KIAA1549L: variants seen among roughly 807,000 people sequenced by gnomAD.
The protein encoded by KIAA1549L is KIAA1549 like, also known as UPF0606 protein KIAA1549L.
In KIAA1549L, 88 loss-of-function variants were observed where a neutral mutation model predicts 160.7. That is an observed-to-expected ratio of 0.55 (90% confidence interval 0.46 to 0.65). KIAA1549L has a LOEUF of 0.65. KIAA1549L is among the 30% of genes least tolerant of loss of function. The pLI, the probability that KIAA1549L is intolerant of heterozygous loss-of-function variation, is 0.00. For missense variants in KIAA1549L, 2,258 were observed against 2,437.5 expected (o/e 0.93, Z 1.55); for synonymous variants, 950 against 976.7 (o/e 0.97, Z 0.51).
rs781718818 is a variant in KIAA1549L at position 33,551,072 on chromosome 11, A to G, written c.3534A>G (p.Thr1178=). The G allele has an allele frequency of 6.2e-7, 1 of 1,613,884 alleles. No individual in the cohort carries two copies. The highest frequency in any genetic ancestry group is 1.1e-5 in the South Asian group (1 of 91,088). Residue 1178 remains threonine, a synonymous_variant, in exon 5 of 21, where the codon ACA becomes ACG. Transcript: ENST00000658780. ...VDILEYSHNV[T]VGYYATKGKL... ...TTCTGGAATATTCTCATAATGTCAC[A>G]GTTGGTTATTATGCTACCAAAGGGA...
At chr11:33,391,754 A>G (rs548078403) in intron 1 of KIAA1549L, among the ~76,000 whole-genome samples, 1 of 152,254 alleles carries the variant, frequency 6.6e-6, no homozygotes, top group East Asian at 1.9e-4. Context: ...AACAGTGTGG[A>G]TCTCTCACCC....
intron 11 of KIAA1549L, among the ~76,000 whole-genome samples, chr11:33,584,095 T>C (rs1855734390): frequency 6.6e-6 from 1 of 152,200 alleles, no homozygotes; most frequent in Non-Finnish European, 1.5e-5. Context: ...CTCTCTTCCA[T>C]GTGAAGACAC....
At chr11:33,462,726 T>G (rs1565147213) in intron 1 of KIAA1549L, among the ~76,000 whole-genome samples, 1 of 152,278 alleles carries the variant, frequency 6.6e-6, no homozygotes, top group East Asian at 1.9e-4. Flanking sequence ...TCCTTACATA[T>G]AAGTTGGAAA....
At chr11:33,496,287 C>T (rs1338188325) in intron 1 of KIAA1549L, among the ~76,000 whole-genome samples, 2 of 152,132 alleles carry the variant, frequency 1.3e-5, no homozygotes, top group African/African-American at 4.8e-5. Flanking sequence ...CCAGATCTCT[C>T]TTCACCCACA....
intron 1 of KIAA1549L, among the ~76,000 whole-genome samples, chr11:33,421,017 A>G (rs1404825509): frequency 6.6e-6 from 1 of 152,192 alleles, no homozygotes; most frequent in African/African-American, 2.4e-5. Context: ...TAATAAGTTT[A>G]TGTTTTAAAT....
intron 8 of KIAA1549L, among the ~76,000 whole-genome samples, chr11:33,563,202 A>G (rs1179760814): frequency 6.6e-6 from 1 of 151,926 alleles, no homozygotes; most frequent in Non-Finnish European, 1.5e-5. Flanking sequence ...AAAAAAAATT[A>G]GCCTGGCCTG....
chr11:33,542,406 C>T lies in KIAA1549L; in HGVS notation c.843C>T (p.Pro281=). Residue 281 remains proline, a synonymous_variant, in exon 2 of 21, where the codon CCC becomes CCT. Coordinates refer to ENST00000658780, the MANE Select transcript of KIAA1549L (RefSeq NM_012194.3). ...TTCCCCAAACAGCTCCAGCCGACCC[C>T]TCTTTAGGTCAGAACATAGCTAATC... The part of the protein sequence containing the change: ...LLVPQTAPAD[P]SLGQNIANPL... The T allele has an allele frequency of 6.7e-7, 1 of 1,496,022 alleles. No homozygotes were observed. Among genetic ancestry groups the T allele is most frequent in the Non-Finnish European group, 9.1e-7 (1 of 1,102,120 alleles). The allele number at this position is 1,496,022 out of a possible 1,614,324, so 92.7% of individuals were successfully genotyped here. A position where few individuals can be genotyped will look rare whatever the true frequency, so the allele number is the denominator to read the frequency against.
chr11:33,589,575 G>T (rs1425525077), intron 11 of KIAA1549L, among the ~76,000 whole-genome samples: 3 of 152,158 alleles, frequency 2.0e-5, no homozygotes, highest in Non-Finnish European at 4.4e-5. Flanking sequence ...GGAATACTAT[G>T]CAGCCATAAA....
chr11:33,580,571 CAAAAAAAAAAAA>C (rs368467299), intron 10 of KIAA1549L, among the ~76,000 whole-genome samples: 1 of 52,540 alleles, frequency 1.9e-5, no homozygotes, highest in African/African-American at 5.6e-5. Flanking sequence ...GATTCTGCCT[CAAAAAAAAAAAA>C]AAAAAAAAGA....
chr11:33,529,162 C>A (rs1198511523), intron 1 of KIAA1549L, among the ~76,000 whole-genome samples: 1 of 151,990 alleles, frequency 6.6e-6, no homozygotes, highest in Non-Finnish European at 1.5e-5. Context: ...AAAGCAAATG[C>A]CCATCTCTAC....
chr11:33,651,443 G>GAA (rs1196337799), intron 17 of KIAA1549L, among the ~76,000 whole-genome samples: 10 of 117,964 alleles, frequency 8.5e-5, no homozygotes, highest in African/African-American at 2.9e-4. Flanking sequence ...TCTCAAAAAA[G>GAA]AAAAAAAAAA....
intron 10 of KIAA1549L, among the ~76,000 whole-genome samples, chr11:33,577,042 G>A (rs759539541): frequency 1.3e-5 from 2 of 152,196 alleles, no homozygotes; most frequent in African/African-American, 4.8e-5. Context: ...TATGGGAAGA[G>A]TGAGAGTGAG....
intron 1 of KIAA1549L, among the ~76,000 whole-genome samples, chr11:33,413,814 G>A (rs1190293193): frequency 6.6e-6 from 1 of 152,154 alleles, no homozygotes. Context: ...ATAGCACACC[G>A]AGGTCCAGTG....
chr11:33,662,911 A>G (rs991881469), intron 20 of KIAA1549L, among the ~76,000 whole-genome samples: 11 of 152,176 alleles, frequency 7.2e-5, no homozygotes, highest in African/African-American at 2.4e-4. Context: ...CTCATCTCCC[A>G]GTGTGAAGGA....
intron 1 of KIAA1549L, among the ~76,000 whole-genome samples, chr11:33,419,538 TGA>T (rs1447693120): frequency 6.6e-6 from 1 of 152,162 alleles, no homozygotes; most frequent in Admixed American, 6.5e-5. Flanking sequence ...TCTCTTTTTT[TGA>T]GTGTATGCAT....
At chr11:33,499,980 C>G (rs1020096151) in intron 1 of KIAA1549L, among the ~76,000 whole-genome samples, 33 of 152,186 alleles carry the variant, frequency 2.2e-4, no homozygotes, top group Admixed American at 9.8e-4. Context: ...ATCCAACTCC[C>G]TGCATCCTAC....
At chr11:33,530,239 C>CAAAAAAA (rs55962654) in intron 1 of KIAA1549L, among the ~76,000 whole-genome samples, 1 of 134,550 alleles carries the variant, frequency 7.4e-6, no homozygotes, top group Non-Finnish European at 1.6e-5. Flanking sequence ...CTAAAAAATA[C>CAAAAAAA]AAAAAAAAAA....
At chr11:33,480,442 A>T (rs975036010) in intron 1 of KIAA1549L, among the ~76,000 whole-genome samples, 1 of 152,122 alleles carries the variant, frequency 6.6e-6, no homozygotes, top group Non-Finnish European at 1.5e-5. Flanking sequence ...GAGTGAATGG[A>T]TTCTTTTGGC....
At position 33,568,068 on chromosome 11, in the gene KIAA1549L, A is replaced by G. The variant is rs771263277; in HGVS notation, c.4079-8A>G. The G allele has an allele frequency of 6.2e-7, 1 of 1,600,868 alleles. No homozygotes were observed. The highest frequency in any genetic ancestry group is 8.5e-7 in the Non-Finnish European group (1 of 1,173,328). On this transcript the variant is annotated splice_region_variant and splice_polypyrimidine_tract_variant and intron_variant, in intron 8 of 20. Transcript: ENST00000658780. ...TCTGAGCCTCTGCTCTGCCTTCTGC[A>G]TCCACAGTGCTGCAGGGTGTGGACA...
Sources: allele counts gnomAD v4.1 joint callset (sites outside exome capture counted in the v4.1 genomes callset), GRCh38; gene constraint gnomAD v4.1.1; transcripts MANE v1.5; gene names NCBI Gene and HGNC (gene_info 2026-07-23, HGNC 2026-07-21).